The following IQGAP3 variants were observed in gnomAD, a reference collection of about 807,000 sequenced individuals.
IQGAP3 encodes IQ motif containing GTPase activating protein 3.
Under a neutral mutation model 208.2 loss-of-function variants are expected in IQGAP3, and 165 were observed. That is an observed-to-expected ratio of 0.79 (90% CI 0.70 to 0.90). The LOEUF is 0.90. Among genes scored for constraint, IQGAP3 ranks in the 40% least tolerant of loss-of-function variants. The pLI is 0.00. For missense variants in IQGAP3, 1,811 were observed against 2,043.1 expected, an observed-to-expected ratio of 0.89 and a Z score of 2.19; for synonymous variants, 703 against 803.6, an observed-to-expected ratio of 0.87 and a Z score of 2.12.
rs375929689 is a variant in IQGAP3 at position 156,544,411 on chromosome 1, G to A, written c.2366C>T (p.Ala789Val). 234 of 1,613,784 alleles carry A rather than the reference G, an allele frequency of 1.5e-4. No homozygotes were observed. The highest frequency in any genetic ancestry group is 1.9e-4 in the Non-Finnish European group (223 of 1,179,772). The change falls in exon 20 of 38, where the codon GCA becomes GTA. Residue 789 changes from alanine (A) to valine (V), a missense_variant. Physicochemically the swap from Ala to Val is moderately conservative, Grantham distance 64. Transcript: ENST00000361170. ...TACCTTGATTATGGCATCCAGGTTT[G>A]CTTTAAAATACTGCAACCACTCCAG... The part of the protein sequence containing the change: ...IYLEWLQYFK[A>V]NLDAIIKIQA...
rs568783019 is a variant in IQGAP3 at position 156,535,156 on chromosome 1, C to T, written c.3507+7G>A. 1.9e-5 allele frequency: 30 copies of T among 1,609,096 alleles called. No individual in the cohort carries two copies. The Middle Eastern group carries it at 9.9e-4, about 53-fold the overall frequency. ...TTGGGAGGTGGGGGTGGGGAGACAA[C>T]ACTTGCCTTATAGACCTCGCTGTCT... On this transcript the variant is annotated splice_region_variant and intron_variant, in intron 28 of 37. Coordinates refer to ENST00000361170, the MANE Select transcript of IQGAP3 (RefSeq NM_178229.5).
At chr1:156,529,716 C>T (rs984226006) in intron 34 of IQGAP3, among the ~76,000 whole-genome samples, 3 of 151,738 alleles carry the variant, frequency 2.0e-5, no homozygotes, top group Admixed American at 1.3e-4. Context: ...GTCAGGAGTT[C>T]GAAACCAGCC....
At chr1:156,564,307 T>C (rs1187763993) in intron 5 of IQGAP3, among the ~76,000 whole-genome samples, 1 of 152,192 alleles carries the variant, frequency 6.6e-6, no homozygotes, top group Non-Finnish European at 1.5e-5. Context: ...GTCTTGCCTG[T>C]GTTGCTCTCA....
intron 18 of IQGAP3, 23 bp from the exon 19 acceptor site, chr1:156,548,266 CT>C: frequency 6.2e-7 from 1 of 1,610,876 alleles, no homozygotes; most frequent in Non-Finnish European, 8.5e-7. Flanking sequence ...GAGAGAGACG[CT>C]GTGGTCTTTT....
chr1:156,569,035 T>C (rs1307649318), intron 2 of IQGAP3, among the ~76,000 whole-genome samples: 1 of 152,062 alleles, frequency 6.6e-6, no homozygotes, highest in Non-Finnish European at 1.5e-5. Context: ...ATAAGATAAC[T>C]GTAAAAACAG....
intron 31 of IQGAP3, among the ~76,000 whole-genome samples, chr1:156,533,433 A>T (rs1214176430): frequency 6.6e-6 from 1 of 152,052 alleles, no homozygotes; most frequent in Non-Finnish European, 1.5e-5. Context: ...CACCATCTTC[A>T]TTCTGTCCTT....
At chr1:156,556,439 T>C (rs1675823076) in intron 12 of IQGAP3, 94 bp downstream of exon 12, 1 of 1,203,380 alleles carries the variant, frequency 8.3e-7, no homozygotes, top group East Asian at 2.4e-5. Context: ...CAGCATCTCA[T>C]ATCGCACTCA....
At chr1:156,547,322 G>T (rs1215252727) in intron 19 of IQGAP3, among the ~76,000 whole-genome samples, 1 of 151,642 alleles carries the variant, frequency 6.6e-6, no homozygotes. Flanking sequence ...CCACTTCTTC[G>T]AGCCCTCCTA....
Position 156,526,570 on chromosome 1 carries a change from C to T in IQGAP3, c.4812G>A (p.Val1604=), listed in dbSNP as rs1300676275. ...CCTTGTTGAAGAGTTTCATGACAGC[C>T]ACACCCTCATACTGGAGCTGCAGGA... The part of the protein sequence containing the change: ...QDLLQLQYEG[V]AVMKLFNKAK... Residue 1604 remains valine, a synonymous_variant, in exon 38 of 38, where the codon GTG becomes GTA. Coordinates refer to ENST00000361170, the MANE Select transcript of IQGAP3 (RefSeq NM_178229.5). The T allele has an allele frequency of 6.2e-7, 1 of 1,614,052 alleles. No homozygotes were observed. The highest frequency in any genetic ancestry group is 1.1e-5 in the South Asian group (1 of 91,076).
intron 19 of IQGAP3, among the ~76,000 whole-genome samples, chr1:156,546,031 T>C (rs1675228211): frequency 6.6e-6 from 1 of 152,120 alleles, no homozygotes; most frequent in Non-Finnish European, 1.5e-5. Context: ...CAGCTGTCCA[T>C]GTTGGAGCCT....
At chr1:156,552,280 T>C (rs936379868) in intron 13 of IQGAP3, among the ~76,000 whole-genome samples, 185 bp from the exon 14 acceptor site, 12 of 152,208 alleles carry the variant, frequency 7.9e-5, no homozygotes, top group African/African-American at 2.7e-4. Context: ...CATCTAAACA[T>C]GGGAGCATCC....
intron 2 of IQGAP3, among the ~76,000 whole-genome samples, chr1:156,567,734 G>T (rs890477877): frequency 5.3e-5 from 8 of 152,080 alleles, no homozygotes; most frequent in African/African-American, 1.7e-4. Flanking sequence ...AACATTAAAA[G>T]AATCCTGTTG....
chr1:156,546,154 C>T (rs1019639406), intron 19 of IQGAP3, among the ~76,000 whole-genome samples: 2 of 152,158 alleles, frequency 1.3e-5, no homozygotes, highest in African/African-American at 4.8e-5. Flanking sequence ...GCTCTCTGCT[C>T]TTACTCACTA....
intron 36 of IQGAP3, 113 bp from the exon 37 acceptor site, chr1:156,528,173 T>G: frequency 5.1e-6 from 4 of 786,514 alleles, no homozygotes. Context: ...AGAACCAGTT[T>G]TCCCTCTGTC....
At position 156,533,006 on chromosome 1, in the gene IQGAP3, G is replaced by A; in HGVS notation, c.4077C>T (p.Asp1359=). The A allele has an allele frequency of 1.2e-6, 2 of 1,614,116 alleles. No individual in the cohort carries two copies. Among genetic ancestry groups the A allele is most frequent in the South Asian group, 1.1e-5 (1 of 91,082 alleles). The change falls in exon 32 of 38, where the codon GAC becomes GAT. Residue 1359 remains aspartate, a synonymous_variant. Coordinates refer to ENST00000361170, the MANE Select transcript of IQGAP3 (RefSeq NM_178229.5). ...KFEGLEADAD[D]SNTRSLLLST... ...TCAGAAGCAGGCTACGGGTGTTGGA[G>A]TCATCAGCATCTGCCTCTAGTCCTT...
rs754152519 is a variant in IQGAP3 at position 156,566,062 on chromosome 1, A to G, written c.325T>C (p.Trp109Arg). 9 of 1,613,834 alleles carry G rather than the reference A, an allele frequency of 5.6e-6. No homozygotes were observed. The African/African-American group carries it at 9.3e-5, about 17-fold the overall frequency. The change falls in exon 4 of 38, where the codon TGG (tryptophan) becomes CGG (arginine). Residue 109 changes from tryptophan to arginine, a missense_variant. Physicochemically the swap from Trp to Arg is moderately radical, Grantham distance 101. Transcript: ENST00000361170. Reference sequence around the variant, plus strand: ...CCGATGTGGGCTATTGCAGATAGCCAAAAGTTGATGTTGTCTGTGTGACGG... The same window carrying G: ...CCGATGTGGGCTATTGCAGATAGCCGAAAGTTGATGTTGTCTGTGTGACGG... ...HFRHTDNINF[W>R]LSAIAHIGLP...
Position 156,528,626 on chromosome 1 carries a change from C to T in IQGAP3, c.4572-16G>A. ...CCCAGAACTCCTGATTAAAAGAAGG[C>T]CCCAGAGAATTCATCCAATAAACAC... On this transcript the variant is annotated splice_polypyrimidine_tract_variant and intron_variant, in intron 35 of 37. Coordinates refer to ENST00000361170, the MANE Select transcript of IQGAP3 (RefSeq NM_178229.5). 1 of 1,585,662 alleles carries T rather than the reference C, an allele frequency of 6.3e-7. No homozygotes were observed. Among genetic ancestry groups the T allele is most frequent in the South Asian group, 1.1e-5 (1 of 90,020 alleles).
At chr1:156,552,181 A>T in intron 13 of IQGAP3, 86 bp from the exon 14 acceptor site, 2 of 1,510,490 alleles carry the variant, frequency 1.3e-6, no homozygotes, top group South Asian at 2.5e-5. Flanking sequence ...GATTTTCTTC[A>T]CTTGACCTCC....
chr1:156,552,567 T>C (rs1469096784), intron 13 of IQGAP3, among the ~76,000 whole-genome samples: 3 of 152,220 alleles, frequency 2.0e-5, no homozygotes, highest in Admixed American at 6.5e-5. Context: ...TTCTCTCTTC[T>C]ACCCCATATC....
Sources: allele counts gnomAD v4.1 joint callset (sites outside exome capture counted in the v4.1 genomes callset), GRCh38; gene constraint gnomAD v4.1.1; transcripts MANE v1.5; gene names NCBI Gene and HGNC (gene_info 2026-07-23, HGNC 2026-07-21).